CELF6: variants seen among roughly 807,000 people sequenced by gnomAD.
The protein encoded by CELF6 is Bruno -like 6, RNA binding protein.
In CELF6, 32 loss-of-function variants were observed where a neutral mutation model predicts 53.1. The ratio of observed to expected loss-of-function variants is 0.60; its 90% CI spans 0.46 to 0.81. CELF6 has a LOEUF of 0.81. Ranked by LOEUF, CELF6 falls within the 30% of genes least tolerant of loss-of-function variation. CELF6 has a pLI of 0.00. For synonymous variants in CELF6, 291 were observed against 288.8 expected, an observed-to-expected ratio of 1.01 and a Z score of -0.08; for missense variants, 539 against 669.5, an observed-to-expected ratio of 0.81 and a Z score of 2.15.
chr15:72,303,172 G>A (rs1196940311), intron 3 of CELF6, among the ~76,000 whole-genome samples: 3 of 152,210 alleles, frequency 2.0e-5, no homozygotes, highest in Non-Finnish European at 4.4e-5. Context: ...TGTGGGCAGG[G>A]CTTAGTAGTT....
chr15:72,289,785 G>A lies in CELF6; in HGVS notation c.604-15C>T. The stretch of plus-strand genomic sequence containing the variant: ...GACGAGGCGCCCTGGGCAGGGCAGG[G>A]GAGGCCGTGGTGACCGGTCCTGACC... On this transcript the variant is annotated splice_polypyrimidine_tract_variant and intron_variant, in intron 5 of 12. Coordinates refer to ENST00000287202, the MANE Select transcript of CELF6 (RefSeq NM_052840.5). The surrounding 1 kb of genome is among the most constrained non-coding windows in gnomAD (Gnocchi z 7.6). 5 of 1,451,222 alleles carry A rather than the reference G, an allele frequency of 3.4e-6. No homozygotes were observed. The highest frequency in any genetic ancestry group is 4.5e-6 in the Non-Finnish European group (5 of 1,107,320). 89.9% of individuals were successfully genotyped at this position (1,451,222 alleles called of 1,614,324 possible).
At chr15:72,306,528 G>A (rs2088232431) in intron 2 of CELF6, among the ~76,000 whole-genome samples, 1 of 150,790 alleles carries the variant, frequency 6.6e-6, no homozygotes, top group South Asian at 2.1e-4. Flanking sequence ...TCAAATTTGG[G>A]GGTGGGAGGG....
chr15:72,292,340 C>T (rs2088016389), intron 3 of CELF6: 1 of 1,015,618 alleles, frequency 9.8e-7, no homozygotes, highest in African/African-American at 1.6e-5. Flanking sequence ...GGAGAATGGG[C>T]TCATTTGGCC....
intron 2 of CELF6, among the ~76,000 whole-genome samples, 179 bp from the exon 3 acceptor site, chr15:72,304,973 T>TA (rs1157552430): frequency 6.6e-6 from 1 of 152,086 alleles, no homozygotes; most frequent in African/African-American, 2.4e-5. Flanking sequence ...ACCCAGGAAT[T>TA]TAGAAGGTGC....
chr15:72,294,779 A>G (rs1323677624), intron 3 of CELF6, among the ~76,000 whole-genome samples: 2 of 151,842 alleles, frequency 1.3e-5, no homozygotes, highest in African/African-American at 4.8e-5. Context: ...GGAGTTCAAG[A>G]CCAGGCTGGC....
chr15:72,295,249 C>T (rs943363595), intron 3 of CELF6, among the ~76,000 whole-genome samples: 2 of 151,724 alleles, frequency 1.3e-5, no homozygotes, highest in Non-Finnish European at 2.9e-5. Context: ...GCAGGAGAAT[C>T]GCTTGAACCT....
chr15:72,288,826 G>C lies in CELF6; in HGVS notation c.1093+42C>G, dbSNP rs771241206. 7.9e-6 allele frequency: 12 copies of C among 1,522,244 alleles called. No individual in the cohort carries two copies. Among genetic ancestry groups the C allele is most frequent in the Non-Finnish European group, 1.1e-5 (12 of 1,120,944 alleles). The allele number at this position is 1,522,244 out of a possible 1,614,324, so 94.3% of individuals were successfully genotyped here. A position where few individuals can be genotyped will look rare whatever the true frequency, so the allele number is the denominator to read the frequency against. On this transcript the variant is annotated intron_variant, in intron 9 of 12. Coordinates refer to ENST00000287202, the MANE Select transcript of CELF6 (RefSeq NM_052840.5). The surrounding 1 kb of genome is among the most constrained non-coding windows in gnomAD (Gnocchi z 4.6). ...CACAACTCTCCCTATTTCTTTCTAG[G>C]GCCCTTCAACCTCCCCCAGGCCGCG... is the stretch of plus-strand genomic sequence containing the variant.
At chr15:72,303,970 G>T (rs1232663736) in intron 3 of CELF6, among the ~76,000 whole-genome samples, 2 of 152,040 alleles carry the variant, frequency 1.3e-5, no homozygotes, top group African/African-American at 4.8e-5. Flanking sequence ...CGATTCTCCT[G>T]CCTCAGCCTC....
Position 72,289,313 on chromosome 15 carries a change from C to A in CELF6, c.881-26G>T, listed in dbSNP as rs1189741447. On this transcript the variant is annotated intron_variant, in intron 7 of 12. Coordinates refer to ENST00000287202, the MANE Select transcript of CELF6 (RefSeq NM_052840.5). This position sits in a 1 kb window ranked among gnomAD's most constrained non-coding sequence, Gnocchi z 7.6. ...CTGATGGCGGAAAAGGTCTGAGAGTCAGGCCGCCACCCCGCCCCGCCCGGC... is the reference window on the plus strand; with the variant it reads ...CTGATGGCGGAAAAGGTCTGAGAGTAAGGCCGCCACCCCGCCCCGCCCGGC... 1.6e-5 allele frequency: 25 copies of A among 1,543,536 alleles called. No individual in the cohort carries two copies. The highest frequency in any genetic ancestry group is 2.1e-5 in the Non-Finnish European group (24 of 1,151,954).
rs1373036749 is a variant in CELF6, at chr15:72,290,159, G to A, written c.491C>T (p.Thr164Met). 1.9e-6 allele frequency: 3 copies of A among 1,613,986 alleles called. No homozygotes were observed. The highest frequency in any genetic ancestry group is 1.1e-5 in the South Asian group (1 of 91,062). ...FQPFGHIEECTVLRSPDGTSK... is the reference protein window; with the variant it reads ...FQPFGHIEECMVLRSPDGTSK... ...GGTGCCGTCAGGACTCCGCAGGACC[G>A]TGCACTCCTCGATGTGGCCAAAGGG... The change falls in exon 4 of 13, where the codon ACG (threonine) becomes ATG (methionine). Residue 164 changes from threonine (T) to methionine (M), a missense_variant. Thr to Met is a moderately conservative substitution (Grantham distance 81, BLOSUM62 -1). Around this residue, in one of 3 missense-constraint regions of CELF6, gnomAD observed 97 missense variants for 168.8 expected, o/e 0.57. Coordinates refer to ENST00000287202, the MANE Select transcript of CELF6 (RefSeq NM_052840.5).
At chr15:72,308,221 GT>G (rs11455798) in intron 2 of CELF6, among the ~76,000 whole-genome samples, 3 of 150,586 alleles carry the variant, frequency 2.0e-5, no homozygotes, top group South Asian at 2.1e-4. Flanking sequence ...AAAAGTTATT[GT>G]TTTTTTTTGT....
intron 3 of CELF6, among the ~76,000 whole-genome samples, chr15:72,296,921 C>T (rs2959936): frequency 0.053 from 8,139 of 152,220 alleles, 655 homozygotes; most frequent in African/African-American, 0.17. Flanking sequence ...ATAGAATTAC[C>T]ATATGATCTA....
intron 3 of CELF6, among the ~76,000 whole-genome samples, chr15:72,294,135 G>A (rs1364040221): frequency 1.3e-5 from 2 of 152,194 alleles, no homozygotes; most frequent in African/African-American, 4.8e-5. Flanking sequence ...AATCATAGCA[G>A]AATCAATCCA....
intron 2 of CELF6, chr15:72,306,401 C>T: frequency 1.5e-6 from 1 of 649,070 alleles, no homozygotes; most frequent in Non-Finnish European, 1.9e-6. Flanking sequence ...CCACTCCATC[C>T]CTTACCAATT....
Position 72,289,123 on chromosome 15 carries a change from G to A in CELF6, c.1030+15C>T, listed in dbSNP as rs777763432. 2.0e-6 allele frequency: 3 copies of A among 1,509,398 alleles called. No homozygotes were observed. The highest frequency in any genetic ancestry group is 2.5e-5 in the Admixed American group (1 of 39,810). The allele number at this position is 1,509,398 out of a possible 1,614,324, so 93.5% of individuals were successfully genotyped here. On this transcript the variant is annotated intron_variant, in intron 8 of 12. Coordinates refer to ENST00000287202, the MANE Select transcript of CELF6 (RefSeq NM_052840.5). The surrounding 1 kb of genome is among the most constrained non-coding windows in gnomAD (Gnocchi z 7.6). ...ACTCCATTTCGGGGGGATTTGGGCG[G>A]AGCGGGGGGCCCACCTGGATAAGGG...
At position 72,284,972 on chromosome 15, in the gene CELF6, A is replaced by G. The variant is rs1400747153; in HGVS notation, c.*1399T>C. 1.3e-5 allele frequency: 2 copies of G among 152,722 alleles called. No individual in the cohort carries two copies. The highest frequency in any genetic ancestry group is 4.8e-5 in the African/African-American group (2 of 41,450). The allele number at this position is 152,722 out of a possible 1,614,324, so 9.5% of individuals were successfully genotyped here. On this transcript the variant is annotated 3_prime_UTR_variant, in exon 13 of 13. Transcript: ENST00000287202. Reference sequence around the variant, plus strand: ...CCTACAGGCCCAGGAAAGGCTGACCAAGGCAAGGTGAGTCATGGTGTTCTA... The same window carrying G: ...CCTACAGGCCCAGGAAAGGCTGACCGAGGCAAGGTGAGTCATGGTGTTCTA...
At chr15:72,318,820 A>G (rs1369617255) in intron 1 of CELF6, among the ~76,000 whole-genome samples, 1 of 152,122 alleles carries the variant, frequency 6.6e-6, no homozygotes, top group Non-Finnish European at 1.5e-5. Flanking sequence ...GAGTGAGGGG[A>G]TTAGAGAAGG....
chr15:72,289,205 C>T lies in CELF6; in HGVS notation c.963G>A (p.Leu321=), dbSNP rs763809632. 1.5e-5 allele frequency: 23 copies of T among 1,570,422 alleles called. No homozygotes were observed. The highest frequency in any genetic ancestry group is 1.9e-5 in the Non-Finnish European group (22 of 1,166,526). ...CCGGCTGGCCATTGGTCTGGGGGGT[C>T]AGAGGGCCGAATCCATTGACCCCGA... The part of the protein sequence containing the change: ...APIGVNGFGP[L]TPQTNGQPGS... Residue 321 remains leucine (L), a synonymous_variant, in exon 8 of 13, where the codon CTG becomes CTA. Coordinates refer to ENST00000287202, the MANE Select transcript of CELF6 (RefSeq NM_052840.5). This position sits in a 1 kb window ranked among gnomAD's most constrained non-coding sequence, Gnocchi z 7.6.
chr15:72,316,023 C>T, intron 1 of CELF6, 96 bp from the exon 2 acceptor site: 1 of 787,666 alleles, frequency 1.3e-6, no homozygotes, highest in East Asian at 2.8e-5. Context: ...AGGCCACTCT[C>T]CTTTAAGCAA....
Sources: allele counts gnomAD v4.1 joint callset (sites outside exome capture counted in the v4.1 genomes callset), GRCh38; gene constraint gnomAD v4.1.1; regional missense constraint gnomAD v4.1.1; non-coding constraint Gnocchi (gnomAD v3.1); transcripts MANE v1.5; gene names NCBI Gene and HGNC (gene_info 2026-07-23, HGNC 2026-07-21).